RTL9: variants seen among roughly 807,000 people sequenced by gnomAD.
RTL9 encodes the protein retrotransposon Gag-like protein 9.
Under a neutral mutation model 44.7 loss-of-function variants are expected in RTL9, and 19 were observed. The ratio of observed to expected loss-of-function variants is 0.42; its 90% CI spans 0.30 to 0.62. RTL9 has a LOEUF of 0.62. Ranked by LOEUF, RTL9 falls within the 20% of genes least tolerant of loss-of-function variation. RTL9 has a pLI of 0.16. For synonymous variants in RTL9, 407 were observed against 398.9 expected (o/e 1.02, Z -0.24); for missense variants, 1,105 against 1,080.6 (o/e 1.02, Z -0.32).
At chrX:110,451,036 C>G in exon 1 of RTL9, 1 of 1,211,946 alleles carries the variant, frequency 8.3e-7, no homozygotes, top group South Asian at 1.8e-5. Context: ...GTAATGTCCC[C>G]AGGGATGATG....
upstream of RTL9, among the ~76,000 whole-genome samples, chrX:110,418,165 G>T (rs1004249297): frequency 8.9e-6 from 1 of 112,729 alleles, no homozygotes; most frequent in African/African-American, 3.2e-5. Context: ...CGGCATGCAG[G>T]CCGGGGACTC....
chrX:110,436,111 C>T (rs1321361467), intron 1 of RTL9, among the ~76,000 whole-genome samples: 1 of 112,666 alleles, frequency 8.9e-6, no homozygotes, highest in Non-Finnish European at 1.9e-5. Context: ...GCACCTCAGA[C>T]TGCTAGCATC....
rs752372127 is a variant in RTL9, at chrX:110,364,210, G to A, written c.-168+5294G>A. ...CTGTCTTCAGATGGGCTTCTCCCTT[G>A]TCTCTGTGCCCTGTCACTTATAAGG... On this transcript the variant is annotated intron_variant, in intron 1 of 2. Transcript: ENST00000520821. Among the ~76,000 whole-genome samples the A allele has an allele frequency of 9.9e-5, 11 of 110,794 alleles. No homozygotes were observed. The South Asian group carries it at 4.3e-3, about 43-fold the overall frequency.
chrX:110,359,235 A>G (rs1354251141), intron 1 of RTL9, among the ~76,000 whole-genome samples: 1 of 110,640 alleles, frequency 9.0e-6, no homozygotes, highest in Non-Finnish European at 1.9e-5. Flanking sequence ...TGTGTTTATC[A>G]TCCTTTCTCA....
intron 1 of RTL9, among the ~76,000 whole-genome samples, chrX:110,431,642 A>G (rs972413248): frequency 9.0e-6 from 1 of 111,462 alleles, no homozygotes; most frequent in African/African-American, 3.3e-5. Flanking sequence ...TGGTGTGAAG[A>G]CAGACCCTGG....
chrX:110,448,505 G>T (rs1304730627), upstream of RTL9, among the ~76,000 whole-genome samples: 1 of 109,243 alleles, frequency 9.2e-6, no homozygotes, highest in Admixed American at 9.9e-5. Context: ...GGGACTGTTG[G>T]GGGCGACAGG....
At chrX:110,452,575 T>C in exon 1 of RTL9, 2 of 1,211,897 alleles carry the variant, frequency 1.7e-6, no homozygotes, top group Non-Finnish European at 2.2e-6. Context: ...TCTGGAGCTC[T>C]GTCCATGCCG....
At chrX:110,362,372 C>A (rs1171351790) in intron 1 of RTL9, among the ~76,000 whole-genome samples, 1 of 112,048 alleles carries the variant, frequency 8.9e-6, no homozygotes, top group Non-Finnish European at 1.9e-5. Context: ...TTTAACCCTC[C>A]TGACTCAGAC....
intron 1 of RTL9, among the ~76,000 whole-genome samples, chrX:110,400,502 T>A (rs1472475834): frequency 9.0e-6 from 1 of 110,650 alleles, no homozygotes; most frequent in Non-Finnish European, 1.9e-5. Flanking sequence ...CTACCTCTTC[T>A]GACTCCTCCT....
intron 1 of RTL9, among the ~76,000 whole-genome samples, chrX:110,361,218 A>G (rs999821358): frequency 1.1e-4 from 12 of 111,234 alleles, no homozygotes; most frequent in Admixed American, 1.1e-3. Flanking sequence ...AGACCTAGGA[A>G]TCAATCTTGA....
In RTL9 at chrX:110,429,484, TTTG is replaced by T. The variant is rs1426360773; in HGVS notation, c.-168+10350_-168+10352del. Reference sequence around the variant, plus strand: ...TTTTTTTTTTTTTTTGTTTTGTTTTTTTGGTTTTTTTGTTTTTACAGAGGCTTG... The same window carrying T: ...TTTTTTTTTTTTTTTGTTTTGTTTTTGTTTTTTTGTTTTTACAGAGGCTTG... On this transcript the variant is annotated intron_variant, in intron 1 of 3. Transcript: ENST00000465301. Among the ~76,000 whole-genome samples the T allele has an allele frequency of 4.0e-4, 38 of 95,934 alleles. 1 individual carries two copies. The highest frequency in any genetic ancestry group is 1.4e-3 in the African/African-American group (35 of 25,135). 83.3% of individuals were successfully genotyped at this position (95,934 alleles called of 115,157 possible). A position where few individuals can be genotyped will look rare whatever the true frequency, so the allele number is the denominator to read the frequency against.
intron 1 of RTL9, among the ~76,000 whole-genome samples, chrX:110,443,907 G>A (rs2148343810): frequency 8.9e-6 from 1 of 112,413 alleles, no homozygotes; most frequent in Admixed American, 9.4e-5. Flanking sequence ...GAGAATTTGT[G>A]TAAGAATCCT....
At chrX:110,403,459 C>G (rs149552437) in intron 1 of RTL9, among the ~76,000 whole-genome samples, 4,590 of 111,594 alleles carry the variant, frequency 0.041, 130 homozygotes, top group African/African-American at 0.095. Context: ...CAGACAGACA[C>G]ACACACACGC....
intron 1 of RTL9, among the ~76,000 whole-genome samples, chrX:110,386,334 T>A (rs1225458208): frequency 9.1e-6 from 1 of 109,900 alleles, no homozygotes; most frequent in African/African-American, 3.3e-5. Context: ...ATTATTATTT[T>A]TATTATATTT....
At chrX:110,453,367 C>T (rs773624306) in exon 1 of RTL9, 2 of 1,211,652 alleles carry the variant, frequency 1.7e-6, no homozygotes, top group Admixed American at 2.2e-5. Context: ...CTAAGGAGAC[C>T]CTCAGCCTGT....
At chrX:110,404,744 A>G (rs1221636135) in intron 1 of RTL9, among the ~76,000 whole-genome samples, 2 of 111,447 alleles carry the variant, frequency 1.8e-5, no homozygotes, top group African/African-American at 6.5e-5. Flanking sequence ...CAGGGAGTGA[A>G]CCTGACTCTG....
At chrX:110,370,315 T>C (rs1178215545) in intron 1 of RTL9, among the ~76,000 whole-genome samples, 1 of 111,671 alleles carries the variant, frequency 9.0e-6, no homozygotes, top group Non-Finnish European at 1.9e-5. Flanking sequence ...TTCAAGCAAT[T>C]GTCCTGCCTC....
At chrX:110,379,976 A>C (rs919191901) in intron 1 of RTL9, among the ~76,000 whole-genome samples, 1 of 111,878 alleles carries the variant, frequency 8.9e-6, no homozygotes, top group Non-Finnish European at 1.9e-5. Flanking sequence ...GAGGAAACTG[A>C]GTCTCTGTGA....
chrX:110,403,497 G>A (rs755192426), intron 1 of RTL9, among the ~76,000 whole-genome samples: 1 of 110,906 alleles, frequency 9.0e-6, no homozygotes, highest in Non-Finnish European at 1.9e-5. Flanking sequence ...CACATGCCCG[G>A]ATCCTTCTCC....
Sources: gnomAD v4.1 joint callset for allele counts (sites outside exome capture counted in the v4.1 genomes callset) on GRCh38, gnomAD v4.1.1 for gene constraint, MANE v1.5 for transcripts, NCBI Gene and HGNC (gene_info 2026-07-23, HGNC 2026-07-21) for gene names.